Variants in EXOC6B observed in about 807,000 individuals in gnomAD.
EXOC6B encodes the protein exocyst complex component 6B.
EXOC6B carries 54 observed loss-of-function variants against 113.5 expected under a neutral mutation model. The observed-to-expected ratio is 0.48, with a 90% CI of 0.38 to 0.60. The LOEUF (loss-of-function observed/expected upper bound fraction) is 0.60. EXOC6B is among the 20% of genes least tolerant of loss of function. EXOC6B has a pLI of 0.00. For missense variants in EXOC6B, 797 were observed against 977.5 expected, an observed-to-expected ratio of 0.82 and a Z score of 2.46; for synonymous variants, 357 against 339.0, an observed-to-expected ratio of 1.05 and a Z score of -0.58.
At chr2:72,696,087 C>T (rs1051598985) in intron 6 of EXOC6B, among the ~76,000 whole-genome samples, 1 of 152,210 alleles carries the variant, frequency 6.6e-6, no homozygotes, top group Middle Eastern at 3.2e-3. Context: ...TGATACCCTT[C>T]CTTACTCTCC....
intron 20 of EXOC6B, among the ~76,000 whole-genome samples, chr2:72,290,923 GA>G (rs1685744743): frequency 6.6e-6 from 1 of 151,984 alleles, no homozygotes; most frequent in Non-Finnish European, 1.5e-5. Flanking sequence ...ATATTATATT[GA>G]AATCAAATAT....
intron 18 of EXOC6B, among the ~76,000 whole-genome samples, chr2:72,397,317 C>T (rs1423713350): frequency 3.9e-5 from 6 of 152,090 alleles, no homozygotes; most frequent in Non-Finnish European, 7.4e-5. Context: ...TGGAATTCTT[C>T]TTATGTAAGA....
At chr2:72,536,851 A>G (rs1702317888) in intron 8 of EXOC6B, among the ~76,000 whole-genome samples, 1 of 152,248 alleles carries the variant, frequency 6.6e-6, no homozygotes. Context: ...ATTTGAGATC[A>G]TTGATTTTAC....
chr2:72,624,041 T>C (rs563545092), intron 6 of EXOC6B, among the ~76,000 whole-genome samples: 22 of 152,332 alleles, frequency 1.4e-4, no homozygotes, highest in African/African-American at 5.1e-4. Context: ...AATTAATCTA[T>C]TTACTGTTTT....
chr2:72,543,645 G>C (rs1371745035), intron 8 of EXOC6B, among the ~76,000 whole-genome samples: 3 of 152,180 alleles, frequency 2.0e-5, no homozygotes, highest in Non-Finnish European at 4.4e-5. Flanking sequence ...TGAAATGTTA[G>C]ATCACAGCTA....
intron 18 of EXOC6B, chr2:72,463,700 G>A (rs1238478928): frequency 3.3e-5 from 5 of 152,146 alleles, no homozygotes; most frequent in Non-Finnish European, 5.9e-5. Context: ...TGAAAAGCAA[G>A]GAGATTTCTC....
intron 6 of EXOC6B, among the ~76,000 whole-genome samples, chr2:72,669,528 G>A (rs904914789): frequency 1.6e-4 from 25 of 152,076 alleles, no homozygotes; most frequent in South Asian, 1.2e-3. Context: ...CTACTTAAAT[G>A]TACATCTATA....
At chr2:72,659,687 T>C (rs1350438267) in intron 6 of EXOC6B, among the ~76,000 whole-genome samples, 2 of 152,112 alleles carry the variant, frequency 1.3e-5, no homozygotes, top group African/African-American at 4.8e-5. Context: ...AATTTATAAA[T>C]AATCATTTCA....
At chr2:72,335,531 C>T (rs1475980619) in intron 19 of EXOC6B, among the ~76,000 whole-genome samples, 1 of 145,636 alleles carries the variant, frequency 6.9e-6, no homozygotes, top group African/African-American at 2.6e-5. Context: ...TTTGTATTAT[C>T]TCATGACTGC....
intron 18 of EXOC6B, among the ~76,000 whole-genome samples, chr2:72,405,246 A>T (rs908690014): frequency 6.6e-6 from 1 of 152,252 alleles, no homozygotes; most frequent in Non-Finnish European, 1.5e-5. Context: ...TGAAAGTGAC[A>T]GGGAGAATGG....
intron 6 of EXOC6B, among the ~76,000 whole-genome samples, chr2:72,627,231 C>G (rs1672106835): frequency 6.6e-6 from 1 of 152,100 alleles, no homozygotes; most frequent in African/African-American, 2.4e-5. Context: ...AAAATTTTTC[C>G]TCTCTTCATC....
At chr2:72,464,474 G>A (rs912875300) in intron 18 of EXOC6B, 1 of 152,316 alleles carries the variant, frequency 6.6e-6, no homozygotes, top group Non-Finnish European at 1.5e-5. Flanking sequence ...TACTAAGGTG[G>A]TCAGCTTCAA....
intron 18 of EXOC6B, among the ~76,000 whole-genome samples, chr2:72,449,970 A>G (rs1434448523): frequency 2.6e-5 from 4 of 152,244 alleles, no homozygotes; most frequent in Non-Finnish European, 5.9e-5. Context: ...TCTACTTTGT[A>G]GAACAACTTA....
At chr2:72,447,827 T>C (rs188220277) in intron 18 of EXOC6B, among the ~76,000 whole-genome samples, 1 of 152,294 alleles carries the variant, frequency 6.6e-6, no homozygotes, top group Non-Finnish European at 1.5e-5. Context: ...ACTTATTATA[T>C]GCAATCTTAC....
In EXOC6B at chr2:72,741,121, T is replaced by C. The variant is rs1449731947; in HGVS notation, c.279+183A>G. 1.7e-4 allele frequency among the ~76,000 whole-genome samples: 25 copies of C among 150,304 alleles called. No individual in the cohort carries two copies. In the East Asian group the frequency reaches 4.9e-3, roughly 29 times the overall value. On this transcript the variant is annotated intron_variant, in intron 2 of 21. Coordinates refer to ENST00000272427, the MANE Select transcript of EXOC6B (RefSeq NM_015189.3). The stretch of plus-strand genomic sequence containing the variant: ...TCCGCCTCAAAAAAAAAAGGGGGGG[T>C]GGGTATTGTTTTTAGCTAAAAAGCC...
intron 8 of EXOC6B, among the ~76,000 whole-genome samples, chr2:72,516,677 T>C (rs1311522739): frequency 6.6e-6 from 1 of 152,218 alleles, no homozygotes; most frequent in Non-Finnish European, 1.5e-5. Flanking sequence ...TGCCCCTTAC[T>C]AGCTGTACAA....
chr2:72,740,607 G>GT (rs1181483521), intron 2 of EXOC6B, among the ~76,000 whole-genome samples: 4 of 152,054 alleles, frequency 2.6e-5, no homozygotes, highest in Admixed American at 6.6e-5. Context: ...ACAACCAACG[G>GT]TTTTTTTCTT....
intron 20 of EXOC6B, among the ~76,000 whole-genome samples, chr2:72,241,158 A>G (rs1422566897): frequency 6.6e-6 from 1 of 152,238 alleles, no homozygotes; most frequent in Non-Finnish European, 1.5e-5. Flanking sequence ...GGGTAACGTA[A>G]GAAGAAAAAT....
At chr2:72,217,121 T>G (rs1410389641) in intron 20 of EXOC6B, among the ~76,000 whole-genome samples, 1 of 151,974 alleles carries the variant, frequency 6.6e-6, no homozygotes, top group East Asian at 1.9e-4. Flanking sequence ...TGTAGCCCAA[T>G]TTTGTGAACT....
Sources: allele counts gnomAD v4.1 joint callset (sites outside exome capture counted in the v4.1 genomes callset), GRCh38; gene constraint gnomAD v4.1.1; transcripts MANE v1.5; gene names NCBI Gene and HGNC (gene_info 2026-07-23, HGNC 2026-07-21).